CASP8: variants seen among roughly 807,000 people sequenced by gnomAD.
The protein encoded by CASP8 is caspase 8, also known as caspase-8.
Under a neutral mutation model 46.3 loss-of-function variants are expected in CASP8, and 24 were observed. The observed-to-expected ratio is 0.52, with a 90% CI of 0.38 to 0.73. CASP8 has a LOEUF of 0.73. Among genes scored for constraint, CASP8 ranks in the 30% least tolerant of loss-of-function variants. CASP8 has a pLI of 0.00. For missense variants in CASP8, 460 were observed against 559.0 expected, an observed-to-expected ratio of 0.82 and a Z score of 1.79; for synonymous variants, 188 against 200.4, an observed-to-expected ratio of 0.94 and a Z score of 0.52.
chr2:201,265,226 A>G (rs967887551), intron 1 of CASP8, among the ~76,000 whole-genome samples: 2 of 152,060 alleles, frequency 1.3e-5, no homozygotes, highest in Non-Finnish European at 2.9e-5. Context: ...ATTCTAGGTA[A>G]TTAGCTGGGT....
upstream of CASP8, among the ~76,000 whole-genome samples, chr2:201,257,141 G>A (rs529640512): frequency 2.0e-4 from 30 of 151,502 alleles, no homozygotes; most frequent in African/African-American, 6.8e-4. Flanking sequence ...GCGAAACTCC[G>A]TCCCCCGAAC....
rs541605743 is a variant in CASP8 at position 201,281,536 on chromosome 2, A to C, written c.803-3280A>C. On this transcript the variant is annotated intron_variant, in intron 7 of 8. Coordinates refer to ENST00000673742, the MANE Select transcript of CASP8 (RefSeq NM_001372051.1). ...GTGGTTGCCTTCATGGAATGTGACT[A>C]GGTAATGGGGAGGGATAGAGAGGGG... is the stretch of plus-strand genomic sequence containing the variant. 4.6e-5 allele frequency among the ~76,000 whole-genome samples: 7 copies of C among 151,988 alleles called. No homozygotes were observed. The South Asian group carries it at 1.5e-3, about 31-fold the overall frequency.
At chr2:201,250,784 A>T (rs1265359750) in intron 2 of CASP8, among the ~76,000 whole-genome samples, 1 of 152,212 alleles carries the variant, frequency 6.6e-6, no homozygotes, top group Admixed American at 6.5e-5. Context: ...AATTATTCTG[A>T]ACTAAAGTTC....
intron 2 of CASP8, chr2:201,269,722 T>G: frequency 1.4e-6 from 1 of 718,504 alleles, no homozygotes; most frequent in Admixed American, 2.1e-5. Context: ...ATAAATATGC[T>G]AGGGTGACCA....
At position 201,272,786 on chromosome 2, in the gene CASP8, A is replaced by G; in HGVS notation, c.550+10A>G. ...GAAGAATTCAGCAAAGGTAGAAACA[A>G]CCTGACAGCCGGGAATCGGCAAAAC... is the stretch of plus-strand genomic sequence containing the variant. On this transcript the variant is annotated intron_variant, in intron 4 of 8. Coordinates refer to ENST00000673742, the MANE Select transcript of CASP8 (RefSeq NM_001372051.1). This position sits in a 1 kb window ranked among gnomAD's most constrained non-coding sequence, Gnocchi z 4.4. 2 of 1,614,144 alleles carry G rather than the reference A, an allele frequency of 1.2e-6. No homozygotes were observed. Among genetic ancestry groups the G allele is most frequent in the Non-Finnish European group, 1.7e-6 (2 of 1,180,022 alleles).
At chr2:201,261,601 T>C (rs1316091405) in intron 1 of CASP8, among the ~76,000 whole-genome samples, 1 of 152,190 alleles carries the variant, frequency 6.6e-6, no homozygotes, top group Admixed American at 6.5e-5. Context: ...ATGCCGTGGC[T>C]GCAGCGCCCT....
intron 2 of CASP8, among the ~76,000 whole-genome samples, chr2:201,251,413 GA>G (rs2124997142): frequency 6.6e-6 from 1 of 152,022 alleles, no homozygotes; most frequent in Non-Finnish European, 1.5e-5. Context: ...CTAACACAGT[GA>G]AACCTCATCT....
At position 201,285,173 on chromosome 2, in the gene CASP8, C is replaced by T. The variant is rs2125487450; in HGVS notation, c.1160C>T (p.Ser387Leu). The change falls in exon 8 of 9, where the codon TCA becomes TTA. Residue 387 changes from serine to leucine, a missense_variant. By Grantham distance (145) the Ser-to-Leu change is moderately radical. Transcript: ENST00000673742. ...CCCTATTTAGAAATGGATTTATCAT[C>T]ACCTCAAACGAGATATATCCCGGAT... ...EQPYLEMDLS[S>L]PQTRYIPDEA... is the part of the protein sequence containing the mutation. The T allele has an allele frequency of 6.2e-7, 1 of 1,614,194 alleles. No homozygotes were observed. Among genetic ancestry groups the T allele is most frequent in the African/African-American group, 1.3e-5 (1 of 75,040 alleles).
At chr2:201,271,930 C>T (rs1361229714) in intron 3 of CASP8, among the ~76,000 whole-genome samples, 1 of 152,130 alleles carries the variant, frequency 6.6e-6, no homozygotes, top group Non-Finnish European at 1.5e-5. Context: ...TCTGCAGTCC[C>T]CGAAACAACC....
Position 201,286,772 on chromosome 2 carries a change from C to T in CASP8, c.*178C>T. ...CTGGGACTACAGGGGCCCGCCACCA[C>T]ACCTGGCTAATTTTTTAAAAATATT... On this transcript the variant is annotated 3_prime_UTR_variant, in exon 9 of 9. Coordinates refer to ENST00000673742, the MANE Select transcript of CASP8 (RefSeq NM_001372051.1). 2 of 534,740 alleles carry T rather than the reference C, an allele frequency of 3.7e-6. No homozygotes were observed. Among genetic ancestry groups the T allele is most frequent in the Non-Finnish European group, 3.4e-6 (1 of 296,584 alleles). 33.1% of individuals were successfully genotyped at this position (534,740 alleles called of 1,614,324 possible). A position where few individuals can be genotyped will look rare whatever the true frequency, so the allele number is the denominator to read the frequency against.
chr2:201,272,771 G>C lies in CASP8; in HGVS notation c.545G>C (p.Ser182Thr). The change falls in exon 4 of 9, where the codon AGC becomes ACC. Residue 182 changes from serine (S) to threonine (T), a missense_variant. Transcript: ENST00000673742. The surrounding 1 kb of genome is among the most constrained non-coding windows in gnomAD (Gnocchi z 4.4). ...LKIINDYEEF[S>T]KERSSSLEGS... ...ATAATCAACGACTATGAAGAATTCA[G>C]CAAAGGTAGAAACAACCTGACAGCC... 6.2e-7 allele frequency: 1 copy of C among 1,614,170 alleles called. No individual in the cohort carries two copies. The highest frequency in any genetic ancestry group is 1.1e-5 in the South Asian group (1 of 91,084).
At position 201,272,962 on chromosome 2, in the gene CASP8, T is replaced by C; in HGVS notation, c.595+20T>C. On this transcript the variant is annotated intron_variant, in intron 5 of 8. Coordinates refer to ENST00000673742, the MANE Select transcript of CASP8 (RefSeq NM_001372051.1). This position sits in a 1 kb window ranked among gnomAD's most constrained non-coding sequence, Gnocchi z 4.4. ...CAAATGGTAATGCTTGGAGATACAT[T>C]TTCAAGATTTAGTTAATTTACTATC... is the stretch of plus-strand genomic sequence containing the variant. 6.2e-7 allele frequency: 1 copy of C among 1,608,982 alleles called. No homozygotes were observed. The highest frequency in any genetic ancestry group is 8.5e-7 in the Non-Finnish European group (1 of 1,175,546).
upstream of CASP8, chr2:201,258,242 G>A (rs1947123947): frequency 3.7e-6 from 6 of 1,606,798 alleles, no homozygotes; most frequent in Non-Finnish European, 5.1e-6. Flanking sequence ...ATGGAGGGAG[G>A]CAGAAGAGCC....
chr2:201,266,809 T>C lies in CASP8; in HGVS notation c.305+18T>C, dbSNP rs1386677576. 11 of 1,595,856 alleles carry C rather than the reference T, an allele frequency of 6.9e-6. No homozygotes were observed. The highest frequency in any genetic ancestry group is 4.0e-5 in the African/African-American group (3 of 74,454). Reference sequence around the variant, plus strand: ...GCCTACAGGTGGGTGGAAACTCCCATTGTGGGACTGGGAGGTGTGGGTTGA... The same window carrying C: ...GCCTACAGGTGGGTGGAAACTCCCACTGTGGGACTGGGAGGTGTGGGTTGA... On this transcript the variant is annotated intron_variant, in intron 2 of 8. Coordinates refer to ENST00000673742, the MANE Select transcript of CASP8 (RefSeq NM_001372051.1). The surrounding 1 kb of genome is among the most constrained non-coding windows in gnomAD (Gnocchi z 5.7).
At position 201,238,890 on chromosome 2, in the gene CASP8, T is replaced by C. The variant is rs574646101; in HGVS notation, c.-27+4778T>C. Among the ~76,000 whole-genome samples the C allele has an allele frequency of 1.1e-4, 16 of 151,850 alleles. No individual in the cohort carries two copies. In the South Asian group the frequency reaches 3.1e-3, roughly 30 times the overall value. ...TAAACAAGTGAACAAAGGTCTCTGG[T>C]TTTCCTAGGCAGAGGACCCTGCGGC... On this transcript the variant is annotated intron_variant, in intron 2 of 6. Coordinates refer to the CASP8 transcript ENST00000264274.
In CASP8 at chr2:201,239,299, G is replaced by T. The variant is rs187632987; in HGVS notation, c.-27+5187G>T. On this transcript the variant is annotated intron_variant, in intron 2 of 6. Transcript: ENST00000264274. ...GCTGCTGGGTACACCTCCCAGACGG[G>T]GTGGTGGCCGGGCAGAGGGGCTCCT... Among the ~76,000 whole-genome samples, 273 of 152,292 alleles carry T rather than the reference G, an allele frequency of 1.8e-3. 2 individuals are homozygous for T. Among genetic ancestry groups the T allele is most frequent in the African/African-American group, 6.2e-3 (259 of 41,552 alleles).
chr2:201,275,009 T>G (rs1576339842), intron 6 of CASP8, 56 bp downstream of exon 6: 1 of 1,313,772 alleles, frequency 7.6e-7, no homozygotes. Flanking sequence ...GTTATTTAAT[T>G]TGTTAGCTTT....
intron 1 of CASP8, among the ~76,000 whole-genome samples, chr2:201,262,743 G>A (rs1337148483): frequency 6.6e-6 from 1 of 152,144 alleles, no homozygotes; most frequent in Non-Finnish European, 1.5e-5. Context: ...TAGCCCATAA[G>A]CTAGTGCAGA....
chr2:201,254,281 G>T (rs569764984), intron 2 of CASP8, among the ~76,000 whole-genome samples: 1 of 152,262 alleles, frequency 6.6e-6, no homozygotes, highest in East Asian at 1.9e-4. Flanking sequence ...AACTGTAAAT[G>T]CCCCATGACT....
Sources: allele counts gnomAD v4.1 joint callset (sites outside exome capture counted in the v4.1 genomes callset), GRCh38; gene constraint gnomAD v4.1.1; non-coding constraint Gnocchi (gnomAD v3.1); transcripts MANE v1.5; gene names NCBI Gene and HGNC (gene_info 2026-07-23, HGNC 2026-07-21).